The following NKAIN3 variants were observed in gnomAD, a reference collection of about 807,000 sequenced individuals.
NKAIN3 encodes sodium/potassium transporting ATPase interacting 3.
In NKAIN3, 25 loss-of-function variants were observed where a neutral mutation model predicts 30.2. The ratio of observed to expected loss-of-function variants is 0.83; its 90% confidence interval spans 0.60 to 1.16. The LOEUF (loss-of-function observed/expected upper bound fraction) is 1.16. NKAIN3 is among the 50% of genes most tolerant of loss of function. The probability of loss-of-function intolerance (pLI) is 0.00; values close to 1 mark genes in which losing one functional copy is unlikely to be tolerated. For synonymous variants in NKAIN3, 91 were observed against 89.6 expected, an observed-to-expected ratio of 1.02 and a Z score of -0.09; for missense variants, 225 against 254.1, an observed-to-expected ratio of 0.89 and a Z score of 0.78.
At chr8:62,301,824 G>A (rs145794167) in intron 1 of NKAIN3, among the ~76,000 whole-genome samples, 106 of 152,052 alleles carry the variant, frequency 7.0e-4, no homozygotes, top group African/African-American at 2.4e-3. Context: ...ATATACAAAA[G>A]CAATAAATAT....
intron 3 of NKAIN3, among the ~76,000 whole-genome samples, chr8:62,674,154 T>G (rs1029114286): frequency 6.6e-6 from 1 of 152,200 alleles, no homozygotes; most frequent in South Asian, 2.1e-4. Flanking sequence ...GCCTGCAATC[T>G]GAACCTCCTC....
In NKAIN3 at chr8:62,437,316, C is replaced by T. The variant is rs182446767; in HGVS notation, c.55-142223C>T. Among the ~76,000 whole-genome samples the T allele has an allele frequency of 1.2e-3, 177 of 152,250 alleles. 1 individual carries two copies. The highest frequency in any genetic ancestry group is 2.2e-3 in the Non-Finnish European group (147 of 68,026). Reference sequence around the variant, plus strand: ...TCATAAAATATCTCCCAAATAGAAACGTAAGGCTTTATCACAAATAGTTAA... The same window carrying T: ...TCATAAAATATCTCCCAAATAGAAATGTAAGGCTTTATCACAAATAGTTAA... On this transcript the variant is annotated intron_variant, in intron 1 of 6. Transcript: ENST00000623646.
At chr8:62,804,138 AAG>A (rs1386768254) in intron 4 of NKAIN3, among the ~76,000 whole-genome samples, 3 of 152,158 alleles carry the variant, frequency 2.0e-5, no homozygotes, top group African/African-American at 7.2e-5. Flanking sequence ...ACCAACCAAA[AAG>A]AGTCCAGGAC....
chr8:62,441,679 A>C (rs997821189), intron 1 of NKAIN3, among the ~76,000 whole-genome samples: 2 of 152,020 alleles, frequency 1.3e-5, no homozygotes, highest in Non-Finnish European at 2.9e-5. Context: ...TGCTTTGTAG[A>C]TGAACATATA....
intron 3 of NKAIN3, among the ~76,000 whole-genome samples, chr8:62,729,039 A>AAAAAAAAAAAAC (rs200466973): frequency 1.0e-5 from 1 of 96,926 alleles, no homozygotes; most frequent in African/African-American, 4.0e-5. Flanking sequence ...AAAAAAAAAA[A>AAAAAAAAAAAAC]CAAAAAAAAA....
At chr8:62,831,411 A>G (rs539214743) in intron 4 of NKAIN3, among the ~76,000 whole-genome samples, 4 of 152,310 alleles carry the variant, frequency 2.6e-5, no homozygotes, top group East Asian at 3.9e-4. Context: ...AATGACATGA[A>G]TAATTCAAAG....
chr8:62,345,258 TAC>T (rs34666037), intron 1 of NKAIN3, among the ~76,000 whole-genome samples: 1,948 of 142,764 alleles, frequency 0.014, 42 homozygotes, highest in East Asian at 0.065. Flanking sequence ...GGTATATATA[TAC>T]ACACACACAC....
chr8:62,558,549 C>T (rs1415036608), intron 1 of NKAIN3, among the ~76,000 whole-genome samples: 3 of 151,928 alleles, frequency 2.0e-5, no homozygotes, highest in Non-Finnish European at 4.4e-5. Flanking sequence ...GGCAAAAATG[C>T]ACATTTTAAA....
intron 1 of NKAIN3, among the ~76,000 whole-genome samples, chr8:62,503,355 A>G (rs888267517): frequency 3.3e-5 from 5 of 152,328 alleles, no homozygotes; most frequent in Admixed American, 3.3e-4. Context: ...GGCAAAAGGC[A>G]GAGCAAAGAT....
chr8:62,291,832 G>A (rs992606101), intron 1 of NKAIN3, among the ~76,000 whole-genome samples: 3 of 152,106 alleles, frequency 2.0e-5, no homozygotes, highest in African/African-American at 7.2e-5. Context: ...TGTTGACCGT[G>A]GGATGTGAAA....
intron 1 of NKAIN3, among the ~76,000 whole-genome samples, chr8:62,321,212 G>A (rs1054403192): frequency 6.6e-6 from 1 of 152,062 alleles, no homozygotes; most frequent in Non-Finnish European, 1.5e-5. Context: ...CTCTGCATTG[G>A]TTATTCTAGT....
chr8:62,516,236 A>T (rs1216896117), intron 1 of NKAIN3, among the ~76,000 whole-genome samples: 1 of 152,038 alleles, frequency 6.6e-6, no homozygotes, highest in Non-Finnish European at 1.5e-5. Context: ...GTATGGTATG[A>T]GGTAAGGATT....
At chr8:62,942,354 C>T (rs1187615622) in intron 5 of NKAIN3, among the ~76,000 whole-genome samples, 1 of 149,754 alleles carries the variant, frequency 6.7e-6, no homozygotes, top group Non-Finnish European at 1.5e-5. Flanking sequence ...ACAAGGAAAA[C>T]TGCAAAACAT....
At chr8:62,578,483 C>G (rs1330847419) in intron 1 of NKAIN3, among the ~76,000 whole-genome samples, 1 of 151,968 alleles carries the variant, frequency 6.6e-6, no homozygotes, top group African/African-American at 2.4e-5. Context: ...GGGGTTAACT[C>G]TAGTTTTAGA....
chr8:62,385,477 TCA>T (rs760380445), intron 1 of NKAIN3, among the ~76,000 whole-genome samples: 3 of 152,156 alleles, frequency 2.0e-5, no homozygotes, highest in Admixed American at 6.5e-5. Flanking sequence ...ATCCACCAAC[TCA>T]CACAGTTTCA....
chr8:62,563,038 T>C (rs1472295584), intron 1 of NKAIN3, among the ~76,000 whole-genome samples: 3 of 152,080 alleles, frequency 2.0e-5, no homozygotes, highest in African/African-American at 7.2e-5. Context: ...ATTGTGTGGG[T>C]CACCTATCCT....
At chr8:62,738,132 A>G (rs1357226494) in intron 3 of NKAIN3, among the ~76,000 whole-genome samples, 1 of 152,154 alleles carries the variant, frequency 6.6e-6, no homozygotes, top group Non-Finnish European at 1.5e-5. Context: ...ACTCCCACCA[A>G]CAGTGTAAAA....
intron 4 of NKAIN3, among the ~76,000 whole-genome samples, chr8:62,888,976 G>A (rs1821223586): frequency 6.6e-6 from 1 of 152,088 alleles, no homozygotes; most frequent in Non-Finnish European, 1.5e-5. Flanking sequence ...TCAATTTTTA[G>A]CAAAAGTTTC....
At chr8:62,473,068 T>C (rs1806406155) in intron 1 of NKAIN3, 1 of 152,250 alleles carries the variant, frequency 6.6e-6, no homozygotes, top group Admixed American at 6.5e-5. Context: ...CTCTATCTAC[T>C]GCTATGTTTG....
Sources: allele counts gnomAD v4.1 joint callset (sites outside exome capture counted in the v4.1 genomes callset), GRCh38; gene constraint gnomAD v4.1.1; transcripts MANE v1.5; gene names NCBI Gene and HGNC (gene_info 2026-07-23, HGNC 2026-07-21).